MYORG: variants seen among roughly 807,000 people sequenced by gnomAD.
MYORG encodes myogenesis regulating glycosidase.
Under a neutral mutation model 49.8 loss-of-function variants are expected in MYORG, and 45 were observed. The ratio of observed to expected loss-of-function variants is 0.90; its 90% CI spans 0.71 to 1.16. MYORG has a LOEUF of 1.16. Ranked by LOEUF, MYORG falls within the 50% of genes most tolerant of loss-of-function variation. The pLI is 0.00. For missense variants in MYORG, 1,110 were observed against 1,026.5 expected (o/e 1.08, Z -1.11); for synonymous variants, 552 against 462.9 (o/e 1.19, Z -2.47).
Position 34,376,862 on chromosome 9 carries a change from G to C in MYORG, c.-133C>G, listed in dbSNP as rs1052333652. 1 of 152,272 alleles carries C rather than the reference G, an allele frequency of 6.6e-6. No individual in the cohort carries two copies. The highest frequency in any genetic ancestry group is 1.5e-5 in the Non-Finnish European group (1 of 68,088). The allele number at this position is 152,272 out of a possible 1,614,324, so 9.4% of individuals were successfully genotyped here. A position where few individuals can be genotyped will look rare whatever the true frequency, so the allele number is the denominator to read the frequency against. ...CCGCCGATCCCCTGCGCTTGAACCA[G>C]AGTGAAGCTGCCGCCGCGCCGCGCG... On this transcript the variant is annotated 5_prime_UTR_variant, in exon 1 of 2. Transcript: ENST00000297625. The surrounding 1 kb of genome is among the most constrained non-coding windows in gnomAD (Gnocchi z 4.4).
In MYORG at chr9:34,371,675, C is replaced by A. The variant is rs764057941; in HGVS notation, c.1269G>T (p.Val423=). The change falls in exon 2 of 2, where the codon GTG becomes GTT. Residue 423 remains valine (V), a synonymous_variant. Coordinates refer to ENST00000297625, the MANE Select transcript of MYORG (RefSeq NM_020702.5). Reference sequence around the variant, plus strand: ...CCGCGCCGATGCCGTTCCACCAGCGCACCAGCGCAGGTAACCGGCCCGTGG... The same window carrying A: ...CCGCGCCGATGCCGTTCCACCAGCGAACCAGCGCAGGTAACCGGCCCGTGG... The part of the protein sequence containing the change: ...REPTGRLPAL[V]RWWNGIGAVL... The A allele has an allele frequency of 9.9e-5, 160 of 1,608,896 alleles. 1 individual carries two copies. In the East Asian group the frequency reaches 3.6e-3, roughly 36 times the overall value.
rs541063329 is a variant in MYORG, at chr9:34,372,454, C to T, written c.490G>A (p.Glu164Lys). The T allele has an allele frequency of 7.0e-5, 111 of 1,587,078 alleles. No homozygotes were observed. The highest frequency in any genetic ancestry group is 1.4e-4 in the Admixed American group (8 of 55,800). Residue 164 changes from glutamate (E) to lysine (K), a missense_variant, in exon 2 of 2, where the codon GAG (glutamate) becomes AAG (lysine). Transcript: ENST00000297625. ...DTVMCYRVRW[E>K]EAAPGRAVEH... ...ACGGCCCGGCCCGGCGCTGCCTCCT[C>T]CCAGCGCACGCGGTAGCACATGACC...
rs780295808 is a variant in MYORG at position 34,371,962 on chromosome 9, C to G, written c.982G>C (p.Val328Leu). ...AAACGCAGCACCTTGTCCTGGTCCACGGCGCGCCCGTACAGCGCCCATGTG... is the reference window on the plus strand; with the variant it reads ...AAACGCAGCACCTTGTCCTGGTCCAGGGCGCGCCCGTACAGCGCCCATGTG... Reference protein sequence around the residue: ...WSTWALYGRAVDQDKVLRFAQ... With the variant: ...WSTWALYGRALDQDKVLRFAQ... The change falls in exon 2 of 2, where the codon GTG (valine) becomes CTG (leucine). Residue 328 changes from valine to leucine, a missense_variant. By Grantham distance (32) the Val-to-Leu change is conservative. Coordinates refer to ENST00000297625, the MANE Select transcript of MYORG (RefSeq NM_020702.5). The G allele has an allele frequency of 2.5e-6, 4 of 1,614,036 alleles. No individual in the cohort carries two copies. Among genetic ancestry groups the G allele is most frequent in the South Asian group, 1.1e-5 (1 of 91,088 alleles).
rs1315594040 is a variant in MYORG, at chr9:34,369,452, G to T, written c.*1347C>A. On this transcript the variant is annotated 3_prime_UTR_variant, in exon 2 of 2. Coordinates refer to ENST00000297625, the MANE Select transcript of MYORG (RefSeq NM_020702.5). ...AATCCCAACACTTTGGGAGGCCAAG[G>T]TGGGTGCATCACTAGGTCAGGAGTT... is the stretch of plus-strand genomic sequence containing the variant. 1 of 152,212 alleles carries T rather than the reference G, an allele frequency of 6.6e-6. No homozygotes were observed. Among genetic ancestry groups the T allele is most frequent in the East Asian group, 1.9e-4 (1 of 5,200 alleles). The allele number at this position is 152,212 out of a possible 1,614,324, so 9.4% of individuals were successfully genotyped here.
In MYORG at chr9:34,372,901, G is replaced by T. The variant is rs375608013; in HGVS notation, c.43C>A (p.Arg15Ser). The change falls in exon 2 of 2, where the codon CGC becomes AGC. Residue 15 changes from arginine to serine, a missense_variant. Coordinates refer to ENST00000297625, the MANE Select transcript of MYORG (RefSeq NM_020702.5). Reference sequence around the variant, plus strand: ...TATGCGTAGCAGCCAGGCCGGCGGCGGCGGGGGTAGGCCTGGCTCTTCTCC... The same window carrying T: ...TATGCGTAGCAGCCAGGCCGGCGGCTGCGGGGGTAGGCCTGGCTCTTCTCC... ...PQEKSQAYPRRRRPGCYAYRQ... is the reference protein window; with the variant it reads ...PQEKSQAYPRSRRPGCYAYRQ... The T allele has an allele frequency of 6.2e-7, 1 of 1,613,862 alleles. No homozygotes were observed. Among genetic ancestry groups the T allele is most frequent in the South Asian group, 1.1e-5 (1 of 91,054 alleles).
At position 34,370,977 on chromosome 9, in the gene MYORG, A is replaced by T. The variant is rs370944350; in HGVS notation, c.1967T>A (p.Ile656Asn). The change falls in exon 2 of 2, where the codon ATT becomes AAT. Residue 656 changes from isoleucine (I) to asparagine (N), a missense_variant. Coordinates refer to ENST00000297625, the MANE Select transcript of MYORG (RefSeq NM_020702.5). The stretch of plus-strand genomic sequence containing the variant: ...CGGGGCCACAAGCAGCGTGTCCCCA[A>T]TAAGGAACTGCGAGTCGATACGGTG... ...TAHRIDSQFLIGDTLLVAPVL... is the reference protein window; with the variant it reads ...TAHRIDSQFLNGDTLLVAPVL... 7 of 1,613,446 alleles carry T rather than the reference A, an allele frequency of 4.3e-6. No homozygotes were observed. Among genetic ancestry groups the T allele is most frequent in the African/African-American group, 4.0e-5 (3 of 74,924 alleles).
Position 34,370,573 on chromosome 9 carries a change from G to C in MYORG, c.*226C>G. The C allele has an allele frequency of 1.4e-6, 1 of 690,248 alleles. No homozygotes were observed. Among genetic ancestry groups the C allele is most frequent in the South Asian group, 3.2e-5 (1 of 31,124 alleles). The allele number at this position is 690,248 out of a possible 1,614,324, so 42.8% of individuals were successfully genotyped here. A position where few individuals can be genotyped will look rare whatever the true frequency, so the allele number is the denominator to read the frequency against. ...TCTGCAGATTGGTGTGAGTGTGGGG[G>C]TGGAAAGGGCACAGTAAGGATTGTG... On this transcript the variant is annotated 3_prime_UTR_variant, in exon 2 of 2. Coordinates refer to ENST00000297625, the MANE Select transcript of MYORG (RefSeq NM_020702.5).
Position 34,371,246 on chromosome 9 carries a change from G to A in MYORG, c.1698C>T (p.Gly566=), listed in dbSNP as rs745825090. 1.9e-5 allele frequency: 30 copies of A among 1,607,758 alleles called. No individual in the cohort carries two copies. The highest frequency in any genetic ancestry group is 2.5e-5 in the Non-Finnish European group (29 of 1,177,506). Residue 566 remains glycine (G), a synonymous_variant, in exon 2 of 2, where the codon GGC becomes GGT. Transcript: ENST00000297625. ...TGTAGAGCTCGCGCTCGGGCACATC[G>A]CCGCCGGCTGTCCGCTGGGGCACGG... is the stretch of plus-strand genomic sequence containing the variant. ...GNAVPQRTAG[G]DVPERELYIR...
rs1181899784 is a variant in MYORG at position 34,371,954 on chromosome 9, C to T, written c.990G>A (p.Gln330=). Residue 330 remains glutamine, a synonymous_variant, in exon 2 of 2, where the codon CAG becomes CAA. Transcript: ENST00000297625. ...TWALYGRAVD[Q]DKVLRFAQQI... Reference sequence around the variant, plus strand: ...GTTGGGCAAAACGCAGCACCTTGTCCTGGTCCACGGCGCGCCCGTACAGCG... The same window carrying T: ...GTTGGGCAAAACGCAGCACCTTGTCTTGGTCCACGGCGCGCCCGTACAGCG... 4 of 1,613,926 alleles carry T rather than the reference C, an allele frequency of 2.5e-6. No individual in the cohort carries two copies. The highest frequency in any genetic ancestry group is 2.5e-6 in the Non-Finnish European group (3 of 1,179,892).
rs1381540099 is a variant in MYORG, at chr9:34,372,278, C to T, written c.666G>A (p.Gly222=). ...SDVYSSDAAF[G]GILERYWLSS... The stretch of plus-strand genomic sequence containing the variant: ...ATAGCCAGTAGCGCTCGAGGATGCC[C>T]CCAAACGCGGCGTCGGAGGAGTAGA... Residue 222 remains glycine (G), a synonymous_variant, in exon 2 of 2, where the codon GGG becomes GGA. Transcript: ENST00000297625. 1 of 1,610,532 alleles carries T rather than the reference C, an allele frequency of 6.2e-7. No homozygotes were observed. Among genetic ancestry groups the T allele is most frequent in the Non-Finnish European group, 8.5e-7 (1 of 1,178,948 alleles).
chr9:34,368,423 T>G lies in MYORG; in HGVS notation c.*2376A>C, dbSNP rs1359015711. The G allele has an allele frequency of 6.6e-6, 1 of 152,260 alleles. No homozygotes were observed. The highest frequency in any genetic ancestry group is 1.5e-5 in the Non-Finnish European group (1 of 68,062). 9.4% of individuals were successfully genotyped at this position (152,260 alleles called of 1,614,324 possible). On this transcript the variant is annotated 3_prime_UTR_variant, in exon 2 of 2. Transcript: ENST00000297625. Reference sequence around the variant, plus strand: ...CTGCAAATTTTCCAAACTTTTATAGTCTGTTTCCCTTTTAAAACTGAATGC... The same window carrying G: ...CTGCAAATTTTCCAAACTTTTATAGGCTGTTTCCCTTTTAAAACTGAATGC...
intron 1 of MYORG, among the ~76,000 whole-genome samples, chr9:34,374,814 G>T (rs1820694350): frequency 6.6e-6 from 1 of 150,966 alleles, no homozygotes; most frequent in Admixed American, 6.6e-5. Flanking sequence ...AGGTGGGAGG[G>T]TCGCTTGAGC....
At position 34,371,819 on chromosome 9, in the gene MYORG, G is replaced by A; in HGVS notation, c.1125C>T (p.Asp375=). 6.2e-7 allele frequency: 1 copy of A among 1,614,032 alleles called. No individual in the cohort carries two copies. The highest frequency in any genetic ancestry group is 8.5e-7 in the Non-Finnish European group (1 of 1,179,870). ...FDEVKFPNAS[D]MFRRLRDAGF... ...CGGCGTCGCGCAGGCGGCGGAACAT[G>A]TCGCTGGCGTTGGGGAATTTGACCT... Residue 375 remains aspartate (D), a synonymous_variant, in exon 2 of 2, where the codon GAC becomes GAT. Transcript: ENST00000297625.
At chr9:34,373,064 G>A (rs1820663119) in intron 1 of MYORG, 58 bp from the exon 2 acceptor site, 5 of 1,227,236 alleles carry the variant, frequency 4.1e-6, no homozygotes, top group Admixed American at 4.5e-5. Context: ...ATTTCCATTT[G>A]CTGCCGCAAG....
Position 34,370,124 on chromosome 9 carries a change from A to G in MYORG, c.*675T>C, listed in dbSNP as rs1402739518. 1 of 152,764 alleles carries G rather than the reference A, an allele frequency of 6.5e-6. No individual in the cohort carries two copies. Among genetic ancestry groups the G allele is most frequent in the African/African-American group, 2.4e-5 (1 of 41,462 alleles). 9.5% of individuals were successfully genotyped at this position (152,764 alleles called of 1,614,324 possible). Reference sequence around the variant, plus strand: ...GCACATTTGGCCCAGGGCTGAGCCCATGTATGTACACAAATGGGTTAGTGC... The same window carrying G: ...GCACATTTGGCCCAGGGCTGAGCCCGTGTATGTACACAAATGGGTTAGTGC... On this transcript the variant is annotated 3_prime_UTR_variant, in exon 2 of 2. Coordinates refer to ENST00000297625, the MANE Select transcript of MYORG (RefSeq NM_020702.5).
chr9:34,372,391 A>T lies in MYORG; in HGVS notation c.553T>A (p.Trp185Arg), dbSNP rs2131880923. The T allele has an allele frequency of 6.3e-7, 1 of 1,587,346 alleles. No homozygotes were observed. The highest frequency in any genetic ancestry group is 1.1e-5 in the South Asian group (1 of 87,728). Residue 185 changes from tryptophan (W) to arginine (R), a missense_variant, in exon 2 of 2, where the codon TGG (tryptophan) becomes AGG (arginine). Physicochemically the swap from Trp to Arg is moderately radical, Grantham distance 101 (BLOSUM62 -3). Coordinates refer to ENST00000297625, the MANE Select transcript of MYORG (RefSeq NM_020702.5). ...GTCCTCATCTCGGCGCCACCATACC[A>T]GTGGGCCGCCGCGTCGCCCAAGAAC... ...AMFLGDAAAH[W>R]YGGAEMRTQH...
chr9:34,371,209 C>A lies in MYORG; in HGVS notation c.1735G>T (p.Glu579Ter), dbSNP rs1357942802. The A allele has an allele frequency of 6.2e-7, 1 of 1,610,474 alleles. No individual in the cohort carries two copies. Among genetic ancestry groups the A allele is most frequent in the South Asian group, 1.1e-5 (1 of 90,808 alleles). Residue 579 changes from glutamate (E) to a stop codon, truncating the protein, a stop_gained, in exon 2 of 2, where the codon GAA (glutamate) becomes TAA (stop). Transcript: ENST00000297625. LOFTEE classifies it high-confidence loss of function. ...PERELYIRWL[E>*]VAAFMPAMQF... is the part of the protein sequence containing the mutation. ...ATGGCCGGCATAAAGGCGGCCACTT[C>A]CAGCCAGCGAATGTAGAGCTCGCGC...
intron 1 of MYORG, among the ~76,000 whole-genome samples, chr9:34,374,012 T>C (rs34557892): frequency 0.03 from 4,645 of 152,298 alleles, 107 homozygotes; most frequent in Middle Eastern, 0.068. Context: ...TCTGCTTCTC[T>C]TTGCCCTCAA....
In MYORG at chr9:34,370,794, C is replaced by G; in HGVS notation, c.*5G>C. ...GGCTTTGCGGTTACCGGGCCCTGGG[C>G]TGGGTCAGGACGCCCAGGTAAAGTA... is the stretch of plus-strand genomic sequence containing the variant. On this transcript the variant is annotated 3_prime_UTR_variant, in exon 2 of 2. Transcript: ENST00000297625. 2 of 1,565,044 alleles carry G rather than the reference C, an allele frequency of 1.3e-6. No individual in the cohort carries two copies. The highest frequency in any genetic ancestry group is 1.7e-6 in the Non-Finnish European group (2 of 1,150,262).
Sources: allele counts gnomAD v4.1 joint callset (sites outside exome capture counted in the v4.1 genomes callset), GRCh38; gene constraint gnomAD v4.1.1; non-coding constraint Gnocchi (gnomAD v3.1); transcripts MANE v1.5; gene names NCBI Gene and HGNC (gene_info 2026-07-23, HGNC 2026-07-21).